FES: variants seen among roughly 807,000 people sequenced by gnomAD.
The protein encoded by FES is tyrosine-protein kinase Fes/Fps.
In FES, 83 loss-of-function variants were observed where a neutral mutation model predicts 109.6. The ratio of observed to expected loss-of-function variants is 0.76; its 90% CI spans 0.63 to 0.91. FES has a LOEUF of 0.91. Among genes scored for constraint, FES ranks in the 40% least tolerant of loss-of-function variants. The pLI is 0.00. For missense variants in FES, 943 were observed against 1,070.9 expected (o/e 0.88, Z 1.67); for synonymous variants, 458 against 442.1 (o/e 1.04, Z -0.45).
At position 90,887,744 on chromosome 15, in the gene FES, C is replaced by T. The variant is rs534916767; in HGVS notation, c.668+374C>T. The stretch of plus-strand genomic sequence containing the variant: ...AGAAGTGGATCGGGACCTGGGAGCA[C>T]GGAGGCAAGGGAGGAGGTGACAGTT... On this transcript the variant is annotated intron_variant, in intron 5 of 18. Transcript: ENST00000328850. Among the ~76,000 whole-genome samples the T allele has an allele frequency of 1.1e-4, 17 of 152,242 alleles. No homozygotes were observed. In the South Asian group the frequency reaches 1.5e-3, roughly 13 times the overall value.
intron 1 of FES, 123 bp from the exon 2 acceptor site, chr15:90,884,914 C>G (rs548935446): frequency 8.9e-6 from 7 of 789,932 alleles, no homozygotes; most frequent in Admixed American, 2.3e-5. Flanking sequence ...GTGAGCGAGG[C>G]AGGACCCCAC....
chr15:90,891,101 C>G lies in FES; in HGVS notation c.1440C>G (p.Phe480Leu). 6.3e-7 allele frequency: 1 copy of G among 1,589,662 alleles called. No individual in the cohort carries two copies. The change falls in exon 11 of 19, where the codon TTC becomes TTG. Residue 480 changes from phenylalanine (F) to leucine (L), a missense_variant. Transcript: ENST00000328850. ...VAELLVHSGD[F>L]LVRESQGKQE... ...AGCTGCTGGTGCACTCTGGGGACTT[C>G]CTGGTGCGGGAGAGCCAGGGCAAGC... is the stretch of plus-strand genomic sequence containing the variant.
Position 90,889,124 on chromosome 15 carries a change from T to C in FES, c.669-182T>C, listed in dbSNP as rs771044744. On this transcript the variant is annotated intron_variant, in intron 5 of 18. Transcript: ENST00000328850. This position sits in a 1 kb window ranked among gnomAD's most constrained non-coding sequence, Gnocchi z 6.1. ...ATTACAACTGCCAGTGTCCCTCTTA[T>C]ATATATCAGGAAATAGAAGATTAGG... 1.1e-5 allele frequency: 8 copies of C among 712,392 alleles called. No individual in the cohort carries two copies. Among genetic ancestry groups the C allele is most frequent in the Non-Finnish European group, 1.6e-5 (7 of 440,444 alleles). The allele number at this position is 712,392 out of a possible 1,614,324, so 44.1% of individuals were successfully genotyped here.
chr15:90,891,492 C>A (rs748889740), intron 11 of FES, 62 bp from the exon 12 acceptor site: 2 of 1,608,528 alleles, frequency 1.2e-6, no homozygotes, highest in Admixed American at 1.7e-5. Flanking sequence ...TCCCTTTCCC[C>A]CTCCCAGGGC....
intron 11 of FES, 24 bp from the exon 12 acceptor site, chr15:90,891,530 G>A: frequency 6.2e-7 from 1 of 1,612,966 alleles, no homozygotes; most frequent in South Asian, 1.1e-5. Context: ...GGAGGCTGCT[G>A]ACCCCGGGTC....
At chr15:90,885,289 G>A (rs764499226) in intron 2 of FES, 31 bp downstream of exon 2, 3 of 1,590,822 alleles carry the variant, frequency 1.9e-6, no homozygotes. Flanking sequence ...GGTGGGTGCT[G>A]GCTGTATCTG....
At chr15:90,895,274 CT>C in intron 18 of FES, 141 bp from the exon 19 acceptor site, 1 of 676,970 alleles carries the variant, frequency 1.5e-6, no homozygotes, top group Non-Finnish European at 2.2e-6. Flanking sequence ...CCTCTTTGTC[CT>C]TTGGGCCCTT....
chr15:90,893,551 C>T (rs1352722897), intron 16 of FES, 103 bp from the exon 17 acceptor site: 5 of 1,492,540 alleles, frequency 3.3e-6, no homozygotes, highest in Non-Finnish European at 4.5e-6. Context: ...GACAGGGGTG[C>T]CCAGGGCCGG....
chr15:90,891,108 C>T lies in FES; in HGVS notation c.1447C>T (p.Arg483Trp), dbSNP rs757798296. The T allele has an allele frequency of 1.7e-5, 27 of 1,587,222 alleles. No individual in the cohort carries two copies. The highest frequency in any genetic ancestry group is 4.0e-5 in the African/African-American group (3 of 74,588). ...LLVHSGDFLV[R>W]ESQGKQEYVL... ...GGTGCACTCTGGGGACTTCCTGGTG[C>T]GGGAGAGCCAGGGCAAGCAGGAGTA... The change falls in exon 11 of 19, where the codon CGG (arginine) becomes TGG (tryptophan). Residue 483 changes from arginine (R) to tryptophan (W), a missense_variant. Coordinates refer to ENST00000328850, the MANE Select transcript of FES (RefSeq NM_002005.4).
chr15:90,894,181 T>G (rs2151272314), intron 18 of FES, 123 bp downstream of exon 18: 6 of 1,103,426 alleles, frequency 5.4e-6, no homozygotes, highest in Non-Finnish European at 7.9e-6. Flanking sequence ...CCTGGCCAGT[T>G]GCTCACGCCT....
rs955857231 is a variant in FES, at chr15:90,887,448, C to T, written c.668+78C>T. On this transcript the variant is annotated intron_variant, in intron 5 of 18. Coordinates refer to ENST00000328850, the MANE Select transcript of FES (RefSeq NM_002005.4). ...AGCCATCAGGCCCAGAGGCAGGACC[C>T]AGAAAATCCATTGCTGGGAAGGTGC... 1.1e-5 allele frequency: 15 copies of T among 1,422,328 alleles called. No homozygotes were observed. The South Asian group carries it at 1.8e-4, about 17-fold the overall frequency. The allele number at this position is 1,422,328 out of a possible 1,614,324, so 88.1% of individuals were successfully genotyped here.
At chr15:90,890,877 G>T in intron 10 of FES, 105 bp from the exon 11 acceptor site, 2 of 1,166,828 alleles carry the variant, frequency 1.7e-6, no homozygotes, top group Middle Eastern at 2.2e-4. Context: ...CTCCATGGTT[G>T]TAAGGGCTGA....
Position 90,890,442 on chromosome 15 carries a change from C to G in FES, c.1278C>G (p.Ile426Met). ...GGGGAAGGACACCCACGCTGGAGAT[C>G]CTTAAGAGCCACATCTCAGGAATCT... Reference protein sequence around the residue: ...REGGRTPTLEILKSHISGIFR... With the variant: ...REGGRTPTLEMLKSHISGIFR... Residue 426 changes from isoleucine to methionine, a missense_variant, in exon 10 of 19, where the codon ATC becomes ATG. Coordinates refer to ENST00000328850, the MANE Select transcript of FES (RefSeq NM_002005.4). The G allele has an allele frequency of 6.2e-6, 10 of 1,613,202 alleles. No homozygotes were observed. Among genetic ancestry groups the G allele is most frequent in the Non-Finnish European group, 7.6e-6 (9 of 1,179,896 alleles).
Position 90,895,682 on chromosome 15 carries a change from C to T in FES, c.*124C>T, listed in dbSNP as rs554055006. On this transcript the variant is annotated 3_prime_UTR_variant, in exon 19 of 19. Coordinates refer to ENST00000328850, the MANE Select transcript of FES (RefSeq NM_002005.4). ...CTCCTGCCACCAGCATCCACACTGC[C>T]GGCAGGATGCAGCGCCGTGTCCTCT... The T allele has an allele frequency of 1.5e-4, 123 of 829,490 alleles. No homozygotes were observed. Among genetic ancestry groups the T allele is most frequent in the African/African-American group, 1.2e-3 (68 of 56,406 alleles). 51.4% of individuals were successfully genotyped at this position (829,490 alleles called of 1,614,324 possible). A position where few individuals can be genotyped will look rare whatever the true frequency, so the allele number is the denominator to read the frequency against.
rs748313620 is a variant in FES, at chr15:90,893,899, G to T, written c.2204-37G>T. On this transcript the variant is annotated intron_variant, in intron 17 of 18. Transcript: ENST00000328850. ...GCCTCGCCCTGGCCCCAGGGAGGGT[G>T]CACTCACGCTGCCTCACCTCCTCGC... is the stretch of plus-strand genomic sequence containing the variant. The T allele has an allele frequency of 4.5e-5, 72 of 1,612,320 alleles. 1 individual carries two copies. The highest frequency in any genetic ancestry group is 2.5e-4 in the Admixed American group (15 of 59,972).
At chr15:90,892,319 C>T in intron 13 of FES, 1 of 623,858 alleles carries the variant, frequency 1.6e-6, no homozygotes, top group Non-Finnish European at 2.8e-6. Flanking sequence ...TCTGCCAGCA[C>T]CCTGACCTCA....
At chr15:90,893,056 A>G (rs1289681749) in intron 14 of FES, 44 bp from the exon 15 acceptor site, 1 of 1,586,492 alleles carries the variant, frequency 6.3e-7, no homozygotes, top group Non-Finnish European at 8.6e-7. Flanking sequence ...GGCCCTGGGG[A>G]GGCGGGCCTG....
Position 90,885,267 on chromosome 15 carries a change from C to G in FES, c.213+9C>G. 6.2e-7 allele frequency: 1 copy of G among 1,608,368 alleles called. No homozygotes were observed. Among genetic ancestry groups the G allele is most frequent in the Non-Finnish European group, 8.5e-7 (1 of 1,178,340 alleles). ...ACAGCCCCATCAGTCAGGTGGGTCTCTATGGGACTCTGGTGGGTGCTGGCT... is the reference window on the plus strand; with the variant it reads ...ACAGCCCCATCAGTCAGGTGGGTCTGTATGGGACTCTGGTGGGTGCTGGCT... On this transcript the variant is annotated intron_variant, in intron 2 of 18. Coordinates refer to ENST00000328850, the MANE Select transcript of FES (RefSeq NM_002005.4).
In FES at chr15:90,892,486, T is replaced by C. The variant is rs185943355; in HGVS notation, c.1708-221T>C. 180 of 581,974 alleles carry C rather than the reference T, an allele frequency of 3.1e-4. 2 individuals are homozygous for C. The highest frequency in any genetic ancestry group is 2.8e-3 in the South Asian group (132 of 46,948). The allele number at this position is 581,974 out of a possible 1,614,324, so 36.1% of individuals were successfully genotyped here. A position where few individuals can be genotyped will look rare whatever the true frequency, so the allele number is the denominator to read the frequency against. ...AGGGAGAGTGATTTTTGGATTTCCA[T>C]GTCACTTCTCTCAGGAAGGGTGGCA... On this transcript the variant is annotated intron_variant, in intron 13 of 18. Coordinates refer to ENST00000328850, the MANE Select transcript of FES (RefSeq NM_002005.4).
Sources: gnomAD v4.1 joint callset for allele counts (sites outside exome capture counted in the v4.1 genomes callset) on GRCh38, gnomAD v4.1.1 for gene constraint, Gnocchi (gnomAD v3.1) non-coding constraint, MANE v1.5 for transcripts, NCBI Gene and HGNC (gene_info 2026-07-23, HGNC 2026-07-21) for gene names.